SLCO3A1: variants seen among roughly 807,000 people sequenced by gnomAD.
SLCO3A1 encodes PGE1 transporter.
In SLCO3A1, 27 loss-of-function variants were observed where a neutral mutation model predicts 63.1. The ratio of observed to expected loss-of-function variants is 0.43; its 90% CI spans 0.32 to 0.59. The LOEUF (loss-of-function observed/expected upper bound fraction) is 0.59. Ranked by LOEUF, SLCO3A1 falls within the 20% of genes least tolerant of loss-of-function variation. The probability of loss-of-function intolerance (pLI) is 0.09; values close to 1 mark genes in which losing one functional copy is unlikely to be tolerated. For synonymous variants in SLCO3A1, 473 were observed against 409.9 expected (o/e 1.15, Z -1.86); for missense variants, 773 against 945.8 (o/e 0.82, Z 2.40).
intron 2 of SLCO3A1, among the ~76,000 whole-genome samples, chr15:92,039,919 A>G (rs1361565352): frequency 6.6e-6 from 1 of 152,212 alleles, no homozygotes; most frequent in East Asian, 1.9e-4. Context: ...TTGCAAGGAC[A>G]TGGATGAAGC....
At chr15:91,920,226 C>T (rs943211862) in intron 2 of SLCO3A1, among the ~76,000 whole-genome samples, 2 of 152,132 alleles carry the variant, frequency 1.3e-5, no homozygotes, top group African/African-American at 4.8e-5. Flanking sequence ...GAAAGTGATG[C>T]TTATTTCAGG....
intron 2 of SLCO3A1, among the ~76,000 whole-genome samples, chr15:92,056,690 C>A (rs1172857070): frequency 1.3e-5 from 2 of 152,220 alleles, no homozygotes; most frequent in African/African-American, 4.8e-5. Context: ...TCTGTTCAGA[C>A]CTTCACCGCT....
chr15:91,999,527 A>G (rs1488282237), intron 2 of SLCO3A1, among the ~76,000 whole-genome samples: 1 of 152,228 alleles, frequency 6.6e-6, no homozygotes, highest in East Asian at 1.9e-4. Flanking sequence ...AGAAAGTGCA[A>G]TTAAAACAAT....
At chr15:92,124,302 G>C (rs1464971272) in intron 5 of SLCO3A1, among the ~76,000 whole-genome samples, 4 of 152,184 alleles carry the variant, frequency 2.6e-5, no homozygotes, top group Non-Finnish European at 5.9e-5. Flanking sequence ...TCACCGCCTG[G>C]AGTGTTAAGG....
intron 2 of SLCO3A1, among the ~76,000 whole-genome samples, chr15:91,947,584 A>C (rs1287260813): frequency 6.6e-6 from 1 of 152,198 alleles, no homozygotes; most frequent in Non-Finnish European, 1.5e-5. Context: ...GAAGTAGACT[A>C]TAGATAGGGC....
intron 1 of SLCO3A1, among the ~76,000 whole-genome samples, chr15:91,871,485 G>A (rs1442229254): frequency 1.3e-5 from 2 of 152,198 alleles, no homozygotes; most frequent in Admixed American, 1.3e-4. Flanking sequence ...TCAACACCAC[G>A]GTTTATGCAT....
chr15:91,875,795 C>T lies in SLCO3A1; in HGVS notation c.180+21707C>T, dbSNP rs117761652. 1.2e-3 allele frequency among the ~76,000 whole-genome samples: 180 copies of T among 152,352 alleles called. 2 individuals carry two copies. In the East Asian group the frequency reaches 0.03, roughly 25 times the overall value. ...GCCCATGGGCCAAACCTGGCCTGCT[C>T]TCTACTTTTGTAAGTCAACTTTTAT... On this transcript the variant is annotated intron_variant, in intron 1 of 9. Coordinates refer to ENST00000318445, the MANE Select transcript of SLCO3A1 (RefSeq NM_013272.4). The surrounding 1 kb of genome is among the most constrained non-coding windows in gnomAD (Gnocchi z 4.5).
intron 2 of SLCO3A1, among the ~76,000 whole-genome samples, chr15:91,946,603 G>A: frequency 6.6e-6 from 1 of 152,230 alleles, no homozygotes; most frequent in East Asian, 1.9e-4. Context: ...ATGTGGTAGA[G>A]AACCAAGTGA....
rs149489290 is a variant in SLCO3A1, at chr15:91,897,694, G to A, written c.181-18299G>A. Among the ~76,000 whole-genome samples, 1 of 152,290 alleles carries A rather than the reference G, an allele frequency of 6.6e-6. No individual in the cohort carries two copies. The highest frequency in any genetic ancestry group is 1.5e-5 in the Non-Finnish European group (1 of 68,018). On this transcript the variant is annotated intron_variant, in intron 1 of 9. Transcript: ENST00000318445. This position sits in a 1 kb window ranked among gnomAD's most constrained non-coding sequence, Gnocchi z 4.7. The stretch of plus-strand genomic sequence containing the variant: ...AAGTTAGTCTCCCTGGACAGTGGCG[G>A]CAGAGTGGATTGGTGTGCTCCCATG...
chr15:92,112,439 A>C (rs1360395858), intron 4 of SLCO3A1, among the ~76,000 whole-genome samples: 1 of 152,242 alleles, frequency 6.6e-6, no homozygotes, highest in Non-Finnish European at 1.5e-5. Context: ...TTGAGTCAGC[A>C]TCAGCTGTGG....
At chr15:92,165,906 C>T, downstream of SLCO3A1, 1 of 985,024 alleles carries the variant, frequency 1.0e-6, no homozygotes, top group Non-Finnish European at 1.2e-6. Context: ...AAAGTGAATG[C>T]TAGAGTTCTC....
Position 91,909,010 on chromosome 15 carries a change from G to A in SLCO3A1, c.181-6983G>A, listed in dbSNP as rs140839720. Among the ~76,000 whole-genome samples, 573 of 152,326 alleles carry A rather than the reference G, an allele frequency of 3.8e-3. 7 individuals are homozygous for A. The highest frequency in any genetic ancestry group is 0.013 in the African/African-American group (542 of 41,568). ...TGGGAGACAGAGGTTGCAGTGAGCC[G>A]AGGTCGCGCCATTGCACTCCAGCCT... On this transcript the variant is annotated intron_variant, in intron 1 of 9. Coordinates refer to ENST00000318445, the MANE Select transcript of SLCO3A1 (RefSeq NM_013272.4).
At chr15:91,964,786 A>G (rs1353839810) in intron 2 of SLCO3A1, among the ~76,000 whole-genome samples, 2 of 151,598 alleles carry the variant, frequency 1.3e-5, no homozygotes, top group African/African-American at 2.4e-5. Flanking sequence ...CTAGAAAGCT[A>G]TTTCCTTGGA....
intron 4 of SLCO3A1, among the ~76,000 whole-genome samples, chr15:92,105,615 G>A (rs139992047): frequency 3.5e-4 from 54 of 152,268 alleles, no homozygotes; most frequent in African/African-American, 9.9e-4. Context: ...GAAGCTGCTC[G>A]GCGACTATCA....
intron 1 of SLCO3A1, among the ~76,000 whole-genome samples, chr15:91,913,602 G>GT (rs1555449003): frequency 2.6e-5 from 4 of 152,140 alleles, no homozygotes; most frequent in African/African-American, 9.7e-5. Context: ...CATTTTTTTG[G>GT]TTTGTTTTTT....
chr15:92,084,460 T>C (rs759710837), intron 2 of SLCO3A1, among the ~76,000 whole-genome samples: 1 of 152,196 alleles, frequency 6.6e-6, no homozygotes, highest in African/African-American at 2.4e-5. Context: ...AGGGAGCATT[T>C]GTACCATGCT....
chr15:92,020,883 C>G (rs1025694175), intron 2 of SLCO3A1, among the ~76,000 whole-genome samples: 3 of 152,218 alleles, frequency 2.0e-5, no homozygotes, highest in African/African-American at 7.2e-5. Flanking sequence ...TTAATCATTA[C>G]ATTGTTTCTG....
intron 8 of SLCO3A1, 48 bp from the exon 9 acceptor site, chr15:92,150,902 A>C: frequency 7.2e-7 from 1 of 1,386,952 alleles, no homozygotes; most frequent in Non-Finnish European, 1.0e-6. Flanking sequence ...ATTACAGGGG[A>C]ATGATAAAAA....
chr15:91,991,210 A>G (rs1288992516), intron 2 of SLCO3A1, among the ~76,000 whole-genome samples: 1 of 152,112 alleles, frequency 6.6e-6, no homozygotes, highest in Admixed American at 6.5e-5. Flanking sequence ...TGTCTACAAA[A>G]AAATCAAAAA....
Sources: allele counts gnomAD v4.1 joint callset (sites outside exome capture counted in the v4.1 genomes callset), GRCh38; gene constraint gnomAD v4.1.1; non-coding constraint Gnocchi (gnomAD v3.1); transcripts MANE v1.5; gene names NCBI Gene and HGNC (gene_info 2026-07-23, HGNC 2026-07-21).